The following GNAL variants were observed in gnomAD, a reference collection of about 807,000 sequenced individuals.
GNAL encodes the protein G protein subunit alpha L.
A neutral mutation model predicts 55.1 loss-of-function variants in GNAL; 18 were observed. The ratio of observed to expected loss-of-function variants is 0.33; its 90% CI spans 0.23 to 0.48. The LOEUF (loss-of-function observed/expected upper bound fraction) is 0.48, where lower values mean the gene tolerates loss of function less well. GNAL is among the 20% of genes least tolerant of loss of function. GNAL has a pLI of 0.99. For missense variants in GNAL, 412 were observed against 614.1 expected (o/e 0.67, Z 3.48); for synonymous variants, 253 against 237.0 (o/e 1.07, Z -0.62).
chr18:11,752,193 T>C lies in GNAL; in HGVS notation c.377-660T>C, dbSNP rs936145710. The C allele has an allele frequency of 1.8e-6, 1 of 570,112 alleles. No individual in the cohort carries two copies. The highest frequency in any genetic ancestry group is 2.7e-6 in the Non-Finnish European group (1 of 371,768). The allele number at this position is 570,112 out of a possible 1,614,324, so 35.3% of individuals were successfully genotyped here. On this transcript the variant is annotated intron_variant, in intron 1 of 11. Coordinates refer to ENST00000334049, the MANE Select transcript of GNAL (RefSeq NM_182978.4). This position sits in a 1 kb window ranked among gnomAD's most constrained non-coding sequence, Gnocchi z 4.5. Reference sequence around the variant, plus strand: ...CATCCAGCAGATTTTGAAACAATTCTCGTGTAAAAAGGCATTTTACTCCGC... The same window carrying C: ...CATCCAGCAGATTTTGAAACAATTCCCGTGTAAAAAGGCATTTTACTCCGC...
At chr18:11,768,143 A>T (rs569122705) in intron 4 of GNAL, among the ~76,000 whole-genome samples, 1 of 152,316 alleles carries the variant, frequency 6.6e-6, no homozygotes, top group African/African-American at 2.4e-5. Context: ...TGAGGACAGG[A>T]ACTTGACATG....
rs565286090 is a variant in GNAL at position 11,752,365 on chromosome 18, A to T, written c.377-488A>T. On this transcript the variant is annotated intron_variant, in intron 1 of 11. Coordinates refer to ENST00000334049, the MANE Select transcript of GNAL (RefSeq NM_182978.4). This position sits in a 1 kb window ranked among gnomAD's most constrained non-coding sequence, Gnocchi z 4.5. ...AGAGGAGCCGTCGCAGGAGCCGCAC[A>T]CGTCTCCAACTCTCTATTGCTTTTT... 38 of 1,526,842 alleles carry T rather than the reference A, an allele frequency of 2.5e-5. No individual in the cohort carries two copies. In the South Asian group the frequency reaches 4.8e-4, roughly 19 times the overall value. 94.6% of individuals were successfully genotyped at this position (1,526,842 alleles called of 1,614,324 possible).
intron 1 of GNAL, among the ~76,000 whole-genome samples, chr18:11,700,869 T>A (rs1380871209): frequency 2.0e-5 from 3 of 152,200 alleles, no homozygotes; most frequent in Non-Finnish European, 4.4e-5. Flanking sequence ...TATTTTGACA[T>A]AAACAGAAAA....
intron 5 of GNAL, chr18:11,851,900 A>T (rs1485576961): frequency 6.2e-7 from 1 of 1,613,964 alleles, no homozygotes. Context: ...GTCCAGACGC[A>T]GCAAATGGAA....
intron 4 of GNAL, among the ~76,000 whole-genome samples, chr18:11,810,110 G>A (rs1261370775): frequency 6.6e-6 from 1 of 152,232 alleles, no homozygotes; most frequent in African/African-American, 2.4e-5. Context: ...AAAACCCTTG[G>A]CTGGGCAGGG....
At chr18:11,827,393 A>G (rs1287947397) in intron 5 of GNAL, among the ~76,000 whole-genome samples, 1 of 152,128 alleles carries the variant, frequency 6.6e-6, no homozygotes, top group Non-Finnish European at 1.5e-5. Flanking sequence ...AGGGTGGATC[A>G]CCTGAGGTCA....
At chr18:11,758,895 G>T (rs376613158) in intron 4 of GNAL, among the ~76,000 whole-genome samples, 1 of 152,170 alleles carries the variant, frequency 6.6e-6, no homozygotes, top group African/African-American at 2.4e-5. Context: ...AAAATAGGCC[G>T]GGCATGGTGG....
rs1311579883 is a variant in GNAL, at chr18:11,689,651, G to A, written c.88G>A (p.Ala30Thr). The A allele has an allele frequency of 4.3e-6, 6 of 1,399,324 alleles. No individual in the cohort carries two copies. In the Admixed American group the frequency reaches 1.3e-4, roughly 29 times the overall value. The allele number at this position is 1,399,324 out of a possible 1,614,324, so 86.7% of individuals were successfully genotyped here. A position where few individuals can be genotyped will look rare whatever the true frequency, so the allele number is the denominator to read the frequency against. ...GGCCTCGGAGCCGCCGGTGGAGGACGCGCAGCCCGCCCCGGCCCCGGCCCT... is the reference window on the plus strand; with the variant it reads ...GGCCTCGGAGCCGCCGGTGGAGGACACGCAGCCCGCCCCGGCCCCGGCCCT... ...CAASEPPVEDAQPAPAPALAP... is the reference protein window; with the variant it reads ...CAASEPPVEDTQPAPAPALAP... The change falls in exon 1 of 12, where the codon GCG (alanine) becomes ACG (threonine). Residue 30 changes from alanine (A) to threonine (T), a missense_variant. By Grantham distance (58) the Ala-to-Thr change is moderately conservative. Transcript: ENST00000334049.
intron 1 of GNAL, among the ~76,000 whole-genome samples, chr18:11,728,094 A>G (rs1598414605): frequency 6.6e-6 from 1 of 151,956 alleles, no homozygotes; most frequent in African/African-American, 2.4e-5. Flanking sequence ...GGGTGTGGTG[A>G]TCTGTGCCTG....
chr18:11,707,221 G>T (rs912632885), intron 1 of GNAL, among the ~76,000 whole-genome samples: 4 of 152,168 alleles, frequency 2.6e-5, no homozygotes, highest in Non-Finnish European at 5.9e-5. Flanking sequence ...TAGAGCAATC[G>T]CTGTCTATGG....
At chr18:11,867,460 C>T (rs2036289444) in intron 8 of GNAL, among the ~76,000 whole-genome samples, 2 of 152,016 alleles carry the variant, frequency 1.3e-5, no homozygotes, top group African/African-American at 4.8e-5. Context: ...GGGCGGATAA[C>T]CTGAAGTCAG....
At chr18:11,754,024 A>G (rs2032951567) in intron 4 of GNAL, 79 bp downstream of exon 4, 1 of 1,018,054 alleles carries the variant, frequency 9.8e-7, no homozygotes, top group East Asian at 2.4e-5. Context: ...GAGAATCAAT[A>G]TTGATACTAA....
At chr18:11,744,350 T>C (rs1356694423) in intron 1 of GNAL, among the ~76,000 whole-genome samples, 2 of 152,230 alleles carry the variant, frequency 1.3e-5, no homozygotes, top group African/African-American at 2.4e-5. Flanking sequence ...CAGATTATTA[T>C]GTACAGAAAA....
chr18:11,740,779 C>T (rs2032559675), intron 1 of GNAL, among the ~76,000 whole-genome samples: 1 of 152,242 alleles, frequency 6.6e-6, no homozygotes, highest in Non-Finnish European at 1.5e-5. Context: ...TCAGTCTCAA[C>T]TTACCCATAG....
intron 4 of GNAL, among the ~76,000 whole-genome samples, chr18:11,760,064 G>A (rs533080697): frequency 1.2e-3 from 182 of 152,152 alleles, no homozygotes; most frequent in Non-Finnish European, 1.6e-3. Flanking sequence ...GGCTGGCTGT[G>A]TTCGCTCCCT....
At chr18:11,817,333 G>T (rs918803618) in intron 4 of GNAL, among the ~76,000 whole-genome samples, 1 of 152,190 alleles carries the variant, frequency 6.6e-6, no homozygotes. Flanking sequence ...GTGAACTTAA[G>T]CAGTTTTATG....
In GNAL at chr18:11,841,172, C is replaced by G. The variant is rs377523557; in HGVS notation, c.722+16157C>G. 9.3e-4 allele frequency among the ~76,000 whole-genome samples: 141 copies of G among 152,228 alleles called. 1 individual carries two copies. The Middle Eastern group carries it at 0.027, about 29-fold the overall frequency. On this transcript the variant is annotated intron_variant, in intron 5 of 11. Transcript: ENST00000334049. ...TACAGGCATGAACCACCGCACCCAG[C>G]CTTCATCAGCTTTCAATTCTCTTTT... is the stretch of plus-strand genomic sequence containing the variant.
At chr18:11,851,780 A>G in intron 5 of GNAL, 1 of 1,614,018 alleles carries the variant, frequency 6.2e-7, no homozygotes, top group Non-Finnish European at 8.5e-7. Flanking sequence ...AAGGTGACCA[A>G]GTCGATGGCT....
intron 3 of GNAL, 45 bp from the exon 4 acceptor site, chr18:11,753,781 G>A (rs1259011889): frequency 3.3e-6 from 5 of 1,536,882 alleles, no homozygotes; most frequent in Non-Finnish European, 4.5e-6. Flanking sequence ...TATCATACAT[G>A]GAGCCTAAAT....
Sources: allele counts gnomAD v4.1 joint callset (sites outside exome capture counted in the v4.1 genomes callset), GRCh38; gene constraint gnomAD v4.1.1; non-coding constraint Gnocchi (gnomAD v3.1); transcripts MANE v1.5; gene names NCBI Gene and HGNC (gene_info 2026-07-23, HGNC 2026-07-21).